Variants in ROBO2 observed in about 807,000 individuals in gnomAD.
The protein encoded by ROBO2 is roundabout guidance receptor 2.
A neutral mutation model predicts 160.8 loss-of-function variants in ROBO2; 53 were observed. The ratio of observed to expected loss-of-function variants is 0.33; its 90% CI spans 0.26 to 0.41. ROBO2 has a LOEUF of 0.41. ROBO2 is among the 10% of genes least tolerant of loss of function. ROBO2 has a pLI of 1.00. For missense variants in ROBO2, 1,577 were observed against 1,722.4 expected, an observed-to-expected ratio of 0.92 and a Z score of 1.49; for synonymous variants, 664 against 611.7, an observed-to-expected ratio of 1.09 and a Z score of -1.26.
chr3:76,411,913 C>T (rs897426679), intron 2 of ROBO2, among the ~76,000 whole-genome samples: 3 of 152,146 alleles, frequency 2.0e-5, no homozygotes, highest in African/African-American at 4.8e-5. Flanking sequence ...CTTTTCCCTT[C>T]GCCAAAGGTA....
intron 2 of ROBO2, among the ~76,000 whole-genome samples, chr3:76,686,692 C>A (rs937910973): frequency 2.0e-5 from 3 of 152,076 alleles, no homozygotes; most frequent in Non-Finnish European, 1.5e-5. Flanking sequence ...TATACTGGCT[C>A]ATGCCTATAA....
At chr3:76,685,371 A>C (rs2092664154) in intron 2 of ROBO2, among the ~76,000 whole-genome samples, 1 of 152,146 alleles carries the variant, frequency 6.6e-6, no homozygotes, top group African/African-American at 2.4e-5. Context: ...ATCATATTTT[A>C]AAGGTTTAAA....
At chr3:75,949,976 T>G (rs1189139263) in intron 2 of ROBO2, among the ~76,000 whole-genome samples, 1 of 152,006 alleles carries the variant, frequency 6.6e-6, no homozygotes, top group Non-Finnish European at 1.5e-5. Flanking sequence ...GTACATTAAG[T>G]GCCATCTGGG....
At chr3:77,630,518 C>T (rs1260571380) in intron 23 of ROBO2, 2 of 145,034 alleles carry the variant, frequency 1.4e-5, no homozygotes, top group East Asian at 4.6e-4. Flanking sequence ...CCCCCCTTGA[C>T]ACATGGGGAT....
intron 2 of ROBO2, among the ~76,000 whole-genome samples, chr3:76,312,512 C>T (rs2071662969): frequency 1.3e-5 from 2 of 152,286 alleles, no homozygotes; most frequent in South Asian, 2.1e-4. Context: ...AGGCACTTAG[C>T]TTAGATGGTT....
intron 2 of ROBO2, among the ~76,000 whole-genome samples, chr3:77,195,750 T>G (rs2082252347): frequency 6.6e-6 from 1 of 152,214 alleles, no homozygotes; most frequent in African/African-American, 2.4e-5. Flanking sequence ...AGAAGCACAC[T>G]TGTTATAGAA....
At chr3:76,389,432 A>G (rs752528636) in intron 2 of ROBO2, among the ~76,000 whole-genome samples, 4 of 152,196 alleles carry the variant, frequency 2.6e-5, no homozygotes, top group Admixed American at 6.5e-5. Flanking sequence ...CGCCACTACA[A>G]GTTTTGAAGG....
intron 1 of ROBO2, among the ~76,000 whole-genome samples, chr3:77,070,096 G>T (rs1026177410): frequency 6.6e-6 from 1 of 152,082 alleles, no homozygotes; most frequent in Admixed American, 6.6e-5. Flanking sequence ...GGATTTCTAA[G>T]CCAAAGAATG....
chr3:77,327,612 A>G (rs1298286461), intron 2 of ROBO2, among the ~76,000 whole-genome samples: 1 of 152,218 alleles, frequency 6.6e-6, no homozygotes, highest in Non-Finnish European at 1.5e-5. Context: ...CAATGACAAT[A>G]GGCAAAGAAG....
chr3:76,992,553 GA>G (rs1032287468), intron 2 of ROBO2, among the ~76,000 whole-genome samples: 2 of 151,188 alleles, frequency 1.3e-5, no homozygotes, highest in Non-Finnish European at 2.9e-5. Flanking sequence ...AATTTCGTGA[GA>G]AAAAAAATCA....
At chr3:76,431,768 G>T (rs1242889889) in intron 2 of ROBO2, among the ~76,000 whole-genome samples, 2 of 152,090 alleles carry the variant, frequency 1.3e-5, no homozygotes, top group Middle Eastern at 3.2e-3. Context: ...CCAAATAAAA[G>T]AAGTTTTATT....
At chr3:76,836,580 T>A (rs1393064954) in intron 2 of ROBO2, among the ~76,000 whole-genome samples, 1 of 151,840 alleles carries the variant, frequency 6.6e-6, no homozygotes, top group East Asian at 1.9e-4. Flanking sequence ...TACTTTCTAA[T>A]TTCCTTTAGA....
chr3:75,955,658 A>G (rs1358684175), intron 2 of ROBO2, among the ~76,000 whole-genome samples: 2 of 151,772 alleles, frequency 1.3e-5, no homozygotes, highest in African/African-American at 4.8e-5. Flanking sequence ...TAATGTTTGC[A>G]AAGATACTCT....
intron 2 of ROBO2, among the ~76,000 whole-genome samples, chr3:76,766,021 T>C (rs538112456): frequency 1.1e-3 from 172 of 151,854 alleles, no homozygotes; most frequent in African/African-American, 3.8e-3. Context: ...TTGGTAATTA[T>C]TAACAGTAAT....
At chr3:77,604,414 T>C (rs2094488234) in intron 20 of ROBO2, among the ~76,000 whole-genome samples, 1 of 152,136 alleles carries the variant, frequency 6.6e-6, no homozygotes, top group Non-Finnish European at 1.5e-5. Context: ...TACTTAAGAC[T>C]TTTAAAAATC....
intron 2 of ROBO2, among the ~76,000 whole-genome samples, chr3:76,293,676 C>G (rs949334399): frequency 6.6e-6 from 1 of 152,182 alleles, no homozygotes; most frequent in Non-Finnish European, 1.5e-5. Context: ...TGGAGTGGCC[C>G]TGCTGAAAGG....
chr3:77,203,362 G>A (rs1353292356), intron 2 of ROBO2, among the ~76,000 whole-genome samples: 3 of 152,122 alleles, frequency 2.0e-5, no homozygotes, highest in African/African-American at 7.2e-5. Context: ...GTACTGTTAC[G>A]GCATATTGAG....
At chr3:77,154,469 T>G (rs2077809650) in intron 2 of ROBO2, among the ~76,000 whole-genome samples, 1 of 151,962 alleles carries the variant, frequency 6.6e-6, no homozygotes, top group South Asian at 2.1e-4. Context: ...TTGGAGGTTT[T>G]TCAAATAGCT....
chr3:77,316,920 G>A (rs1014442905), intron 2 of ROBO2: 2 of 1,207,626 alleles, frequency 1.7e-6, no homozygotes, highest in Non-Finnish European at 2.5e-6. Flanking sequence ...AGGCATGAGG[G>A]TCAGTCTGAT....
Sources: gnomAD v4.1 joint callset for allele counts (sites outside exome capture counted in the v4.1 genomes callset) on GRCh38, gnomAD v4.1.1 for gene constraint, MANE v1.5 for transcripts, NCBI Gene and HGNC (gene_info 2026-07-23, HGNC 2026-07-21) for gene names.